SGCD: variants seen among roughly 807,000 people sequenced by gnomAD.
SGCD encodes the protein sarcoglycan delta, also known as delta-sarcoglycan.
A neutral mutation model predicts 36.6 loss-of-function variants in SGCD; 18 were observed. The observed-to-expected ratio is 0.49, with a 90% CI of 0.34 to 0.73. The LOEUF is 0.73. Among genes scored for constraint, SGCD ranks in the 30% least tolerant of loss-of-function variants. The pLI is 0.01. For missense variants in SGCD, 387 were observed against 346.7 expected (o/e 1.12, Z -0.92); for synonymous variants, 133 against 130.6 (o/e 1.02, Z -0.12).
intron 3 of SGCD, among the ~76,000 whole-genome samples, chr5:156,498,312 A>C (rs1346583060): frequency 6.6e-6 from 1 of 151,210 alleles, no homozygotes; most frequent in Non-Finnish European, 1.5e-5. Flanking sequence ...ATGCTGTAAG[A>C]TTGACTCATT....
At chr5:156,027,191 T>A (rs1322598626) in intron 1 of SGCD, among the ~76,000 whole-genome samples, 1 of 152,220 alleles carries the variant, frequency 6.6e-6, no homozygotes, top group Non-Finnish European at 1.5e-5. Flanking sequence ...GCTTTTTCAA[T>A]CACAAACAAT....
intron 1 of SGCD, among the ~76,000 whole-genome samples, chr5:155,874,935 C>T (rs370196718): frequency 2.6e-5 from 4 of 152,118 alleles, no homozygotes; most frequent in Admixed American, 6.6e-5. Context: ...GTAAAGAAAG[C>T]GTATGTCCAC....
At chr5:155,819,473 A>G in the SGCD span, among the ~76,000 whole-genome samples, 1 of 152,312 alleles carries the variant, frequency 6.6e-6, no homozygotes, top group Non-Finnish European at 1.5e-5. Flanking sequence ...TAATAATGGT[A>G]ATAATAACAA....
intron 3 of SGCD, among the ~76,000 whole-genome samples, chr5:156,422,154 C>T (rs752509529): frequency 2.6e-5 from 4 of 152,032 alleles, no homozygotes; most frequent in African/African-American, 9.7e-5. Flanking sequence ...GGGCTTAGCA[C>T]TGTTCACTTG....
intron 1 of SGCD, among the ~76,000 whole-genome samples, chr5:156,077,007 A>T (rs1450724295): frequency 6.6e-6 from 1 of 152,202 alleles, no homozygotes; most frequent in Admixed American, 6.5e-5. Flanking sequence ...TGGAAAATAT[A>T]ATTATTCATC....
At chr5:156,088,914 T>A (rs1329539010) in intron 1 of SGCD, among the ~76,000 whole-genome samples, 2 of 152,138 alleles carry the variant, frequency 1.3e-5, no homozygotes, top group Non-Finnish European at 2.9e-5. Context: ...ATGGTTTCGT[T>A]CTGGACAGGT....
At chr5:155,937,015 G>T (rs554202018) in intron 1 of SGCD, among the ~76,000 whole-genome samples, 1 of 152,196 alleles carries the variant, frequency 6.6e-6, no homozygotes, top group South Asian at 2.1e-4. Flanking sequence ...GGAGTGGGGG[G>T]AGAGACCAGA....
intron 2 of SGCD, among the ~76,000 whole-genome samples, chr5:156,121,369 T>C (rs1370390406): frequency 6.6e-6 from 1 of 152,092 alleles, no homozygotes. Context: ...CATCTCTCTT[T>C]TATAGAAAAG....
At chr5:156,002,295 G>A (rs1216342264) in intron 1 of SGCD, among the ~76,000 whole-genome samples, 6 of 152,200 alleles carry the variant, frequency 3.9e-5, no homozygotes, top group Admixed American at 3.9e-4. Flanking sequence ...CCCTCTGCAA[G>A]CCAAGGAGAG....
chr5:155,979,687 T>C (rs184565070), intron 1 of SGCD, among the ~76,000 whole-genome samples: 9 of 152,292 alleles, frequency 5.9e-5, no homozygotes, highest in Admixed American at 5.2e-4. Flanking sequence ...GGGTGTAGGC[T>C]GGCCCACAAG....
chr5:156,380,507 G>A (rs568492105), intron 3 of SGCD, among the ~76,000 whole-genome samples: 1 of 152,306 alleles, frequency 6.6e-6, no homozygotes, highest in South Asian at 2.1e-4. Flanking sequence ...GAAAATCTTA[G>A]CAAATGACTT....
At position 156,030,703 on chromosome 5, in the gene SGCD, C is replaced by T. The variant is rs150606256; in HGVS notation, c.-281-87175C>T. On this transcript the variant is annotated intron_variant, in intron 1 of 9. Coordinates refer to the SGCD transcript ENST00000517913. Reference sequence around the variant, plus strand: ...GTTCTGAGAAGGAAGTAGTCATTTCCATAGGGGGTTGTGGGCCTATTGAGA... The same window carrying T: ...GTTCTGAGAAGGAAGTAGTCATTTCTATAGGGGGTTGTGGGCCTATTGAGA... Among the ~76,000 whole-genome samples, 278 of 152,036 alleles carry T rather than the reference C, an allele frequency of 1.8e-3. 1 individual carries two copies. The highest frequency in any genetic ancestry group is 3.1e-3 in the Admixed American group (47 of 15,252).
At chr5:156,113,906 T>A (rs1761849883) in intron 1 of SGCD, among the ~76,000 whole-genome samples, 1 of 152,110 alleles carries the variant, frequency 6.6e-6, no homozygotes, top group South Asian at 2.1e-4. Context: ...AGAAAGCCAA[T>A]CTGTAAAGTC....
At chr5:156,521,836 C>T (rs1250903136) in intron 4 of SGCD, among the ~76,000 whole-genome samples, 1 of 152,150 alleles carries the variant, frequency 6.6e-6, no homozygotes, top group African/African-American at 2.4e-5. Flanking sequence ...CCAGCAATCC[C>T]ATTACTGGGT....
chr5:156,098,533 A>AT (rs1416408399), intron 1 of SGCD, among the ~76,000 whole-genome samples: 1 of 151,986 alleles, frequency 6.6e-6, no homozygotes, highest in Admixed American at 6.6e-5. Context: ...TATATAGAGT[A>AT]TTACACATGC....
At chr5:155,966,079 T>G (rs75375327) in intron 1 of SGCD, among the ~76,000 whole-genome samples, 3,507 of 152,186 alleles carry the variant, frequency 0.023, 133 homozygotes, top group African/African-American at 0.075. Context: ...TAAAATAGAA[T>G]GCACTCATTA....
the SGCD span, among the ~76,000 whole-genome samples, chr5:155,813,430 G>C: frequency 3.9e-5 from 6 of 152,268 alleles, no homozygotes; most frequent in Non-Finnish European, 7.4e-5. Flanking sequence ...TCAACCAAGA[G>C]CAAAGGGTTA....
At chr5:156,185,998 G>T (rs186558857) in intron 3 of SGCD, among the ~76,000 whole-genome samples, 1 of 149,042 alleles carries the variant, frequency 6.7e-6, no homozygotes, top group Admixed American at 6.8e-5. Context: ...TCGGAATAAC[G>T]AAATATGGTA....
chr5:156,169,152 C>A (rs1763283022), intron 3 of SGCD, among the ~76,000 whole-genome samples: 1 of 152,220 alleles, frequency 6.6e-6, no homozygotes, highest in African/African-American at 2.4e-5. Context: ...TATCTGCAAC[C>A]CAACTGCTTC....
Sources: gnomAD v4.1 joint callset for allele counts (sites outside exome capture counted in the v4.1 genomes callset) on GRCh38, gnomAD v4.1.1 for gene constraint, MANE v1.5 for transcripts, NCBI Gene and HGNC (gene_info 2026-07-23, HGNC 2026-07-21) for gene names.